Variants in RASA1 observed in about 807,000 individuals in gnomAD.
The protein encoded by RASA1 is RAS p21 protein activator 1.
In RASA1, 25 loss-of-function variants were observed where a neutral mutation model predicts 132.2. That is an observed-to-expected ratio of 0.19 (90% CI 0.14 to 0.26). RASA1 has a LOEUF of 0.26. Among genes scored for constraint, RASA1 ranks in the 10% least tolerant of loss-of-function variants. The probability of loss-of-function intolerance (pLI) is 1.00; values close to 1 mark genes in which losing one functional copy is unlikely to be tolerated. For synonymous variants in RASA1, 477 were observed against 449.9 expected, an observed-to-expected ratio of 1.06 and a Z score of -0.76; for missense variants, 964 against 1,299.2, an observed-to-expected ratio of 0.74 and a Z score of 3.97.
chr5:87,374,493 T>C (rs1343120092), intron 14 of RASA1, among the ~76,000 whole-genome samples, 173 bp downstream of exon 14: 2 of 149,862 alleles, frequency 1.3e-5, no homozygotes, highest in African/African-American at 4.9e-5. Flanking sequence ...TTGTTCACCT[T>C]TATTTGTGAA....
In RASA1 at chr5:87,346,738, T is replaced by TA. The variant is rs747709684; in HGVS notation, c.1102+15dup. 9.9e-6 allele frequency: 15 copies of TA among 1,520,974 alleles called. No individual in the cohort carries two copies. Among genetic ancestry groups the TA allele is most frequent in the Non-Finnish European group, 1.4e-5 (15 of 1,098,038 alleles). 94.2% of individuals were successfully genotyped at this position (1,520,974 alleles called of 1,614,324 possible). ...TACTAATGACAGGTACTTACATATTTACTTGCTTTTCTAATGTCTATTTAA... is the reference window on the plus strand; with the variant it reads ...TACTAATGACAGGTACTTACATATTTAACTTGCTTTTCTAATGTCTATTTAA... On this transcript the variant is annotated intron_variant, in intron 7 of 24. Coordinates refer to ENST00000274376, the MANE Select transcript of RASA1 (RefSeq NM_002890.3).
intron 1 of RASA1, among the ~76,000 whole-genome samples, chr5:87,311,502 C>G (rs1478527882): frequency 6.6e-6 from 1 of 152,136 alleles, no homozygotes; most frequent in African/African-American, 2.4e-5. Context: ...TTTATTATAG[C>G]AAAAGGCTAC....
chr5:87,338,998 C>G (rs944319397), intron 5 of RASA1, among the ~76,000 whole-genome samples: 2 of 152,068 alleles, frequency 1.3e-5, no homozygotes, highest in African/African-American at 2.4e-5. Flanking sequence ...TACTCAGTAT[C>G]AAATATATTG....
At chr5:87,286,058 A>G (rs564776835) in intron 1 of RASA1, among the ~76,000 whole-genome samples, 1 of 152,042 alleles carries the variant, frequency 6.6e-6, no homozygotes, top group South Asian at 2.1e-4. Context: ...GCTGGAGTGC[A>G]GTGGCATGAT....
At chr5:87,370,619 C>CACTT (rs1268001006) in intron 12 of RASA1, among the ~76,000 whole-genome samples, 3 of 152,082 alleles carry the variant, frequency 2.0e-5, no homozygotes, top group African/African-American at 7.2e-5. Context: ...AAGATCGAGA[C>CACTT]ACTGTAAGCC....
intron 1 of RASA1, among the ~76,000 whole-genome samples, chr5:87,287,626 A>G (rs1157073360): frequency 6.7e-6 from 1 of 149,236 alleles, no homozygotes; most frequent in Non-Finnish European, 1.5e-5. Context: ...CCATACATAT[A>G]CACGCCATAG....
intron 5 of RASA1, 74 bp from the exon 6 acceptor site, chr5:87,341,216 G>T (rs1368098604): frequency 1.1e-6 from 1 of 896,538 alleles, no homozygotes; most frequent in East Asian, 3.4e-5. Flanking sequence ...TTGCAGATAC[G>T]ATTTTCATGA....
chr5:87,296,670 G>A (rs190304233), intron 1 of RASA1, among the ~76,000 whole-genome samples: 95 of 152,068 alleles, frequency 6.2e-4, no homozygotes, highest in East Asian at 2.9e-3. Flanking sequence ...AGGAGAAGCT[G>A]GTCTTCTGTA....
At chr5:87,286,989 C>CACACCATATATATACCATATATAT (rs1481994458) in intron 1 of RASA1, among the ~76,000 whole-genome samples, 4 of 144,616 alleles carry the variant, frequency 2.8e-5, no homozygotes, top group Non-Finnish European at 4.6e-5. Context: ...ACCATATATA[C>CACACCATATATATACCATATATAT]ACACCATATA....
At chr5:87,335,913 T>A (rs916273385) in intron 4 of RASA1, among the ~76,000 whole-genome samples, 1 of 152,214 alleles carries the variant, frequency 6.6e-6, no homozygotes, top group African/African-American at 2.4e-5. Context: ...TGATAAATAG[T>A]TTTGGATTCC....
intron 8 of RASA1, among the ~76,000 whole-genome samples, chr5:87,350,498 A>C (rs981920215): frequency 1.4e-4 from 22 of 151,828 alleles, no homozygotes; most frequent in Non-Finnish European, 2.7e-4. Flanking sequence ...AATAATTTAC[A>C]TGAATTTATT....
chr5:87,334,772 C>G (rs764392742), intron 4 of RASA1, among the ~76,000 whole-genome samples: 1 of 152,170 alleles, frequency 6.6e-6, no homozygotes, highest in Non-Finnish European at 1.5e-5. Flanking sequence ...CAACCTGTGA[C>G]TACACAACTT....
rs752487583 is a variant in RASA1 at position 87,268,799 on chromosome 5, C to G, written c.348C>G (p.Leu116=). 6.2e-7 allele frequency: 1 copy of G among 1,614,100 alleles called. No individual in the cohort carries two copies. The highest frequency in any genetic ancestry group is 8.5e-7 in the Non-Finnish European group (1 of 1,180,034). ...AVAGPSGDMA[L]TKLPTSLLAE... Reference sequence around the variant, plus strand: ...CTGGACCTAGTGGAGACATGGCTCTCACCAAACTGCCCACTTCGTTGCTTG... The same window carrying G: ...CTGGACCTAGTGGAGACATGGCTCTGACCAAACTGCCCACTTCGTTGCTTG... Residue 116 remains leucine (L), a synonymous_variant, in exon 1 of 25, where the codon CTC becomes CTG. Coordinates refer to ENST00000274376, the MANE Select transcript of RASA1 (RefSeq NM_002890.3).
At chr5:87,345,784 T>C (rs1469694975) in intron 6 of RASA1, among the ~76,000 whole-genome samples, 1 of 152,148 alleles carries the variant, frequency 6.6e-6, no homozygotes, top group Non-Finnish European at 1.5e-5. Flanking sequence ...TATATTTACT[T>C]TCTAGCTTGC....
rs144357012 is a variant in RASA1, at chr5:87,287,088, A to G, written c.539+18098A>G. On this transcript the variant is annotated intron_variant, in intron 1 of 24. Transcript: ENST00000274376. Reference sequence around the variant, plus strand: ...TATACACACCATATATACACACCATATATATACACACCATATATATACACA... The same window carrying G: ...TATACACACCATATATACACACCATGTATATACACACCATATATATACACA... Among the ~76,000 whole-genome samples, 590 of 146,268 alleles carry G rather than the reference A, an allele frequency of 4.0e-3. 5 individuals carry two copies. Among genetic ancestry groups the G allele is most frequent in the African/African-American group, 0.014 (556 of 39,304 alleles).
chr5:87,370,855 G>A (rs1486769468), intron 12 of RASA1, among the ~76,000 whole-genome samples: 1 of 152,068 alleles, frequency 6.6e-6, no homozygotes, highest in African/African-American at 2.4e-5. Context: ...CTAGATCCTA[G>A]CGTGAGACTC....
intron 5 of RASA1, among the ~76,000 whole-genome samples, chr5:87,338,536 A>ATATATATATATATATATATATTTTTTTTT: frequency 1.2e-5 from 1 of 85,216 alleles, no homozygotes; most frequent in Non-Finnish European, 2.3e-5. Context: ...TATATATAAA[A>ATATATATATATATATATATATTTTTTTTT]TTTTTTTTTT....
chr5:87,308,874 A>G (rs1755741864), intron 1 of RASA1, among the ~76,000 whole-genome samples: 1 of 152,320 alleles, frequency 6.6e-6, no homozygotes, highest in African/African-American at 2.4e-5. Flanking sequence ...GTAGTAGGCC[A>G]TGGCAGTTAG....
chr5:87,375,987 C>T (rs1761298669), intron 15 of RASA1, among the ~76,000 whole-genome samples: 1 of 152,146 alleles, frequency 6.6e-6, no homozygotes, highest in African/African-American at 2.4e-5. Flanking sequence ...CTTAGCTACA[C>T]CTCTAGATCT....
Sources: gnomAD v4.1 joint callset for allele counts (sites outside exome capture counted in the v4.1 genomes callset) on GRCh38, gnomAD v4.1.1 for gene constraint, MANE v1.5 for transcripts, NCBI Gene and HGNC (gene_info 2026-07-23, HGNC 2026-07-21) for gene names.